The following AGTR1 variants were observed in gnomAD, a reference collection of about 807,000 sequenced individuals.
AGTR1 encodes the protein angiotensin II receptor type 1.
AGTR1 carries 16 observed loss-of-function variants against 19.4 expected under a neutral mutation model. The ratio of observed to expected loss-of-function variants is 0.82; its 90% CI spans 0.56 to 1.25. The LOEUF (loss-of-function observed/expected upper bound fraction) is 1.25, where lower values mean the gene tolerates loss of function less well. Ranked by LOEUF, AGTR1 falls within the 50% of genes most tolerant of loss-of-function variation. The pLI is 0.00. For synonymous variants in AGTR1, 153 were observed against 154.9 expected (o/e 0.99, Z 0.09); for missense variants, 373 against 431.9 (o/e 0.86, Z 1.21).
chr3:148,740,618 A>C (rs1714819217), intron 2 of AGTR1, among the ~76,000 whole-genome samples: 1 of 152,240 alleles, frequency 6.6e-6, no homozygotes, highest in African/African-American at 2.4e-5. Context: ...AAAAACTTTC[A>C]AGTCTTTCTG....
At chr3:148,712,954 T>A (rs1713083305) in intron 2 of AGTR1, among the ~76,000 whole-genome samples, 1 of 152,076 alleles carries the variant, frequency 6.6e-6, no homozygotes, top group Non-Finnish European at 1.5e-5. Context: ...ACTGAGGTAG[T>A]AGGAGGCGCC....
intron 2 of AGTR1, among the ~76,000 whole-genome samples, chr3:148,729,900 T>A (rs1308889063): frequency 6.6e-6 from 1 of 152,230 alleles, no homozygotes; most frequent in Non-Finnish European, 1.5e-5. Flanking sequence ...CACCCCTTGC[T>A]GGTACTTTAG....
intron 2 of AGTR1, among the ~76,000 whole-genome samples, chr3:148,720,541 C>T (rs1190398474): frequency 6.6e-6 from 1 of 152,136 alleles, no homozygotes; most frequent in Non-Finnish European, 1.5e-5. Flanking sequence ...AAATTATCAT[C>T]ATTGCCCTGC....
chr3:148,699,219 T>C (rs1712176604), intron 1 of AGTR1, among the ~76,000 whole-genome samples: 1 of 152,168 alleles, frequency 6.6e-6, no homozygotes. Context: ...ACCCTATTGA[T>C]CTATTTTATT....
rs149112881 is a variant in AGTR1, at chr3:148,705,092, T to G, written c.-131-2852T>G. Among the ~76,000 whole-genome samples, 47 of 152,274 alleles carry G rather than the reference T, an allele frequency of 3.1e-4. 1 individual carries two copies. In the East Asian group the frequency reaches 9.1e-3, roughly 29 times the overall value. On this transcript the variant is annotated intron_variant, in intron 1 of 2. Coordinates refer to ENST00000349243, the MANE Select transcript of AGTR1 (RefSeq NM_000685.5). The stretch of plus-strand genomic sequence containing the variant: ...CTAATAAAAAATAAAGTACCAGTGA[T>G]CACCCTCTATAGCCCCTAAGAGTCC...
At position 148,707,798 on chromosome 3, in the gene AGTR1, G is replaced by A. The variant is rs573572514; in HGVS notation, c.-131-146G>A. Reference sequence around the variant, plus strand: ...TTAATGCAGTCTAGCTCTATATAAGGAAAAATATGTTCTTGATGTGAACCA... The same window carrying A: ...TTAATGCAGTCTAGCTCTATATAAGAAAAAATATGTTCTTGATGTGAACCA... On this transcript the variant is annotated intron_variant, in intron 1 of 2. Transcript: ENST00000349243. The A allele has an allele frequency of 3.5e-4, 54 of 152,200 alleles. 1 individual carries two copies. In the East Asian group the frequency reaches 0.01, roughly 29 times the overall value. The allele number at this position is 152,200 out of a possible 1,614,324, so 9.4% of individuals were successfully genotyped here.
Position 148,741,390 on chromosome 3 carries a change from C to A in AGTR1, c.355C>A (p.Leu119Ile), listed in dbSNP as rs1397758938. The A allele has an allele frequency of 6.2e-7, 1 of 1,603,070 alleles. No individual in the cohort carries two copies. The highest frequency in any genetic ancestry group is 1.7e-5 in the Admixed American group (1 of 59,986). The change falls in exon 3 of 3, where the codon CTC (leucine) becomes ATC (isoleucine). Residue 119 changes from leucine (L) to isoleucine (I), a missense_variant. Coordinates refer to ENST00000349243, the MANE Select transcript of AGTR1 (RefSeq NM_000685.5). Reference protein sequence around the residue: ...SFNLYASVFLLTCLSIDRYLA... With the variant: ...SFNLYASVFLITCLSIDRYLA... Reference sequence around the variant, plus strand: ...CAACCTGTACGCTAGTGTGTTTCTACTCACGTGTCTCAGCATTGATCGATA... The same window carrying A: ...CAACCTGTACGCTAGTGTGTTTCTAATCACGTGTCTCAGCATTGATCGATA...
Position 148,741,201 on chromosome 3 carries a change from T to C in AGTR1, c.166T>C (p.Tyr56His). 6.2e-7 allele frequency: 1 copy of C among 1,614,192 alleles called. No individual in the cohort carries two copies. The highest frequency in any genetic ancestry group is 2.2e-5 in the East Asian group (1 of 44,884). ...NSLVVIVIYF[Y>H]MKLKTVASVF... is the part of the protein sequence containing the mutation. ...CTTGGTGGTGATAGTCATTTACTTT[T>C]ATATGAAGCTGAAGACTGTGGCCAG... The change falls in exon 3 of 3, where the codon TAT (tyrosine) becomes CAT (histidine). Residue 56 changes from tyrosine to histidine, a missense_variant. By Grantham distance (83) the Tyr-to-His change is moderately conservative. Transcript: ENST00000349243.
intron 1 of AGTR1, among the ~76,000 whole-genome samples, chr3:148,700,164 T>C (rs34561787): frequency 0.01 from 1,568 of 152,216 alleles, 37 homozygotes; most frequent in East Asian, 0.068. Context: ...TGTGTGAGTA[T>C]TTGTGTATAT....
At chr3:148,723,256 T>G (rs991341627) in intron 2 of AGTR1, among the ~76,000 whole-genome samples, 2 of 152,228 alleles carry the variant, frequency 1.3e-5, no homozygotes, top group Non-Finnish European at 2.9e-5. Flanking sequence ...CCTTAAAACA[T>G]AAATGTACAG....
chr3:148,735,769 G>A (rs1231087973), intron 2 of AGTR1, among the ~76,000 whole-genome samples: 2 of 152,136 alleles, frequency 1.3e-5, no homozygotes, highest in Non-Finnish European at 2.9e-5. Context: ...GCAGAGAGAG[G>A]TGGGGGAAGC....
rs1712067622 is a variant in AGTR1, at chr3:148,698,019, CG to C, written c.-238del. 6.6e-6 allele frequency: 1 copy of C among 152,186 alleles called. No individual in the cohort carries two copies. Among genetic ancestry groups the C allele is most frequent in the Admixed American group, 6.5e-5 (1 of 15,282 alleles). 9.4% of individuals were successfully genotyped at this position (152,186 alleles called of 1,614,324 possible). A position where few individuals can be genotyped will look rare whatever the true frequency, so the allele number is the denominator to read the frequency against. ...GGTGATCGATGGGGAGCGGCTGGAGCGGACCCAGCGAGTGAGGGCGCACAGC... is the reference window on the plus strand; with the variant it reads ...GGTGATCGATGGGGAGCGGCTGGAGCGACCCAGCGAGTGAGGGCGCACAGC... On this transcript the variant is annotated 5_prime_UTR_variant, in exon 1 of 3. An upstream open reading frame in the 5' UTR loses its in-frame stop. Coordinates refer to ENST00000349243, the MANE Select transcript of AGTR1 (RefSeq NM_000685.5).
chr3:148,720,172 G>A (rs1234446808), intron 2 of AGTR1, among the ~76,000 whole-genome samples: 5 of 152,140 alleles, frequency 3.3e-5, no homozygotes, highest in Non-Finnish European at 7.3e-5. Flanking sequence ...TATTGGGAGA[G>A]TGGGTGAAAA....
At chr3:148,712,253 A>C (rs975838398) in intron 2 of AGTR1, among the ~76,000 whole-genome samples, 2 of 152,256 alleles carry the variant, frequency 1.3e-5, no homozygotes, top group African/African-American at 4.8e-5. Context: ...AGTATATCTC[A>C]TAAATGTAAT....
In AGTR1 at chr3:148,741,165, T is replaced by C. The variant is rs1714850502; in HGVS notation, c.130T>C (p.Phe44Leu). The C allele has an allele frequency of 6.2e-7, 1 of 1,614,048 alleles. No homozygotes were observed. Among genetic ancestry groups the C allele is most frequent in the Admixed American group, 1.7e-5 (1 of 60,002 alleles). ...LYSIIFVVGI[F>L]GNSLVVIVIY... ...CAGTATCATCTTTGTGGTGGGAATA[T>C]TTGGAAACAGCTTGGTGGTGATAGT... Residue 44 changes from phenylalanine (F) to leucine (L), a missense_variant, in exon 3 of 3, where the codon TTT becomes CTT. Coordinates refer to ENST00000349243, the MANE Select transcript of AGTR1 (RefSeq NM_000685.5).
intron 2 of AGTR1, among the ~76,000 whole-genome samples, chr3:148,721,002 G>A (rs1261531755): frequency 6.6e-6 from 1 of 152,164 alleles, no homozygotes; most frequent in Non-Finnish European, 1.5e-5. Context: ...TGTAGGTATA[G>A]CTTTGGCAAA....
At chr3:148,734,507 A>G (rs968868554) in intron 2 of AGTR1, among the ~76,000 whole-genome samples, 4 of 152,228 alleles carry the variant, frequency 2.6e-5, no homozygotes, top group African/African-American at 9.6e-5. Flanking sequence ...ACTATTTACC[A>G]TGTACATATA....
chr3:148,732,724 CG>C (rs1265248427), intron 2 of AGTR1, among the ~76,000 whole-genome samples: 1 of 143,174 alleles, frequency 7.0e-6, no homozygotes, highest in East Asian at 2.0e-4. Context: ...GTTCATGCTT[CG>C]GAAAATTTTT....
chr3:148,704,645 A>G (rs1048532093), intron 1 of AGTR1, among the ~76,000 whole-genome samples: 1 of 152,230 alleles, frequency 6.6e-6, no homozygotes, highest in African/African-American at 2.4e-5. Flanking sequence ...TGCTCAAGCC[A>G]GTGACTCCCC....
Sources: gnomAD v4.1 joint callset for allele counts (sites outside exome capture counted in the v4.1 genomes callset) on GRCh38, gnomAD v4.1.1 for gene constraint, MANE v1.5 for transcripts, NCBI Gene and HGNC (gene_info 2026-07-23, HGNC 2026-07-21) for gene names.